The following AHNAK2 variants were observed in gnomAD, a reference collection of about 807,000 sequenced individuals.
AHNAK2 encodes the protein protein AHNAK2.
In AHNAK2, 18 loss-of-function variants were observed where a neutral mutation model predicts 30.7. That is an observed-to-expected ratio of 0.59 (90% CI 0.41 to 0.87). The LOEUF (loss-of-function observed/expected upper bound fraction) is 0.87. Among genes scored for constraint, AHNAK2 ranks in the 40% least tolerant of loss-of-function variants. The pLI is 0.00. For synonymous variants in AHNAK2, 3,590 were observed against 3,073.8 expected (o/e 1.17, Z -5.56); for missense variants, 8,604 against 7,373.0 (o/e 1.17, Z -6.11).
chr14:104,961,348 A>T (rs1373608461), intron 1 of AHNAK2, among the ~76,000 whole-genome samples: 3 of 152,008 alleles, frequency 2.0e-5, no homozygotes, highest in African/African-American at 7.2e-5. Flanking sequence ...CCCCGTCTCT[A>T]CTAAAAATAC....
In AHNAK2 at chr14:104,944,662, C is replaced by T. The variant is rs1898161644; in HGVS notation, c.10789G>A (p.Val3597Ile). 1.2e-6 allele frequency: 2 copies of T among 1,613,248 alleles called. No individual in the cohort carries two copies. The highest frequency in any genetic ancestry group is 1.3e-5 in the African/African-American group (1 of 74,828). Residue 3597 changes from valine (V) to isoleucine (I), a missense_variant, in exon 7 of 7, where the codon GTC becomes ATC. Transcript: ENST00000333244. ...TCCACGCTGGGCAGAGACACCTCGA[C>T]ATCGGGGACTCTCACTTCTGCCTTG... ...GPKAEVRVPD[V>I]EVSLPSVEVD...
At position 104,949,461 on chromosome 14, in the gene AHNAK2, G is replaced by A. The variant is rs1168495562; in HGVS notation, c.5990C>T (p.Ser1997Leu). Residue 1997 changes from serine (S) to leucine (L), a missense_variant, in exon 7 of 7, where the codon TCG becomes TTG. Ser to Leu is a moderately radical substitution (Grantham distance 145). Transcript: ENST00000333244. The part of the protein sequence containing the change: ...KFKMPKFKMP[S>L]FGVSAPGRSI... ...CCTCCCTGGGGCCGATACCCCGAAC[G>A]ACGGCATCTTGAATTTGGGCATTTT... is the stretch of plus-strand genomic sequence containing the variant. 2.1e-5 allele frequency: 33 copies of A among 1,588,126 alleles called. 3 individuals are homozygous for A. Among genetic ancestry groups the A allele is most frequent in the Non-Finnish European group, 2.5e-5 (29 of 1,162,860 alleles).
In AHNAK2 at chr14:104,946,133, C is replaced by A; in HGVS notation, c.9318G>T (p.Gln3106His). 1 of 1,612,472 alleles carries A rather than the reference C, an allele frequency of 6.2e-7. No homozygotes were observed. Among genetic ancestry groups the A allele is most frequent in the South Asian group, 1.1e-5 (1 of 90,972 alleles). ...CCTCGACATCCACCTCCATGCCGGG[C>A]TGAGACACCTCCACGTCGGGGGCCG... ...DVTAPDVEVSQPGMEVDVEAP... is the reference protein window; with the variant it reads ...DVTAPDVEVSHPGMEVDVEAP... Residue 3106 changes from glutamine to histidine, a missense_variant, in exon 7 of 7, where the codon CAG (glutamine) becomes CAT (histidine). By Grantham distance (24) the Gln-to-His change is conservative. Transcript: ENST00000333244.
Position 104,953,788 on chromosome 14 carries a change from C to A in AHNAK2, c.1663G>T (p.Asp555Tyr). The part of the protein sequence containing the change: ...THAEAQGDEG[D>Y]GEEGLQRTRI... ...GTCCTCTGTAGTCCTTCCTCTCCAT[C>A]TCCTTCATCCCCCTGTGCTTCTGCA... The change falls in exon 7 of 7, where the codon GAT becomes TAT. Residue 555 changes from aspartate (D) to tyrosine (Y), a missense_variant. Coordinates refer to ENST00000333244, the MANE Select transcript of AHNAK2 (RefSeq NM_138420.4). The A allele has an allele frequency of 6.2e-7, 1 of 1,613,974 alleles. No individual in the cohort carries two copies. Among genetic ancestry groups the A allele is most frequent in the Non-Finnish European group, 8.5e-7 (1 of 1,179,888 alleles).
At chr14:104,969,085 G>A (rs985608665) in intron 1 of AHNAK2, among the ~76,000 whole-genome samples, 2 of 152,118 alleles carry the variant, frequency 1.3e-5, no homozygotes, top group East Asian at 1.9e-4. Flanking sequence ...GCCCCTCCCC[G>A]ATGCTTCTTG....
intron 1 of AHNAK2, among the ~76,000 whole-genome samples, chr14:104,967,297 G>T (rs1899333350): frequency 6.6e-6 from 1 of 152,096 alleles, no homozygotes; most frequent in African/African-American, 2.4e-5. Context: ...AAAGGGTCAG[G>T]AGGGCAACTC....
intron 1 of AHNAK2, among the ~76,000 whole-genome samples, chr14:104,975,350 G>A: frequency 6.6e-6 from 1 of 152,232 alleles, no homozygotes; most frequent in East Asian, 1.9e-4. Flanking sequence ...AGGCAGCCCA[G>A]CCTCCCTCCC....
chr14:104,944,252 T>C lies in AHNAK2; in HGVS notation c.11199A>G (p.Lys3733=). 1.2e-6 allele frequency: 2 copies of C among 1,612,702 alleles called. No homozygotes were observed. The highest frequency in any genetic ancestry group is 1.7e-6 in the Non-Finnish European group (2 of 1,179,500). The change falls in exon 7 of 7, where the codon AAA becomes AAG. Residue 3733 remains lysine, a synonymous_variant. Coordinates refer to ENST00000333244, the MANE Select transcript of AHNAK2 (RefSeq NM_138420.4). ...KVEMPSLKMP[K]VDLKGPQVDI... Reference sequence around the variant, plus strand: ...CCACCTGGGGGCCCTTGAGGTCCACTTTGGGCATCTTCAAACTGGGCATCT... The same window carrying C: ...CCACCTGGGGGCCCTTGAGGTCCACCTTGGGCATCTTCAAACTGGGCATCT...
Position 104,947,401 on chromosome 14 carries a change from G to C in AHNAK2, c.8050C>G (p.Leu2684Val). The stretch of plus-strand genomic sequence containing the variant: ...TTAAGGTCCCCTTGCATGGAGGGGA[G>C]GCTCATGTCGGCTTCCACCTTCAGC... ...SELKVEADMS[L>V]PSMQGDLKTT... is the part of the protein sequence containing the mutation. Residue 2684 changes from leucine (L) to valine (V), a missense_variant, in exon 7 of 7, where the codon CTC becomes GTC. Coordinates refer to ENST00000333244, the MANE Select transcript of AHNAK2 (RefSeq NM_138420.4). 6.2e-7 allele frequency: 1 copy of C among 1,610,882 alleles called. No individual in the cohort carries two copies. Among genetic ancestry groups the C allele is most frequent in the Non-Finnish European group, 8.5e-7 (1 of 1,179,154 alleles).
chr14:104,938,750 C>A lies in AHNAK2; in HGVS notation c.16701G>T (p.Gln5567His). Reference protein sequence around the residue: ...PGVDSISGDLQPDTGEPFEMI... With the variant: ...PGVDSISGDLHPDTGEPFEMI... ...TCTCAAATGGTTCTCCAGTGTCAGG[C>A]TGGAGATCTCCAGAAATGGAGTCTA... Residue 5567 changes from glutamine to histidine, a missense_variant, in exon 7 of 7, where the codon CAG (glutamine) becomes CAT (histidine). Transcript: ENST00000333244. 6.2e-7 allele frequency: 1 copy of A among 1,613,902 alleles called. No homozygotes were observed. The highest frequency in any genetic ancestry group is 8.5e-7 in the Non-Finnish European group (1 of 1,179,880).
chr14:104,939,652 C>T lies in AHNAK2; in HGVS notation c.15799G>A (p.Asp5267Asn). 1 of 1,613,918 alleles carries T rather than the reference C, an allele frequency of 6.2e-7. No homozygotes were observed. Among genetic ancestry groups the T allele is most frequent in the Non-Finnish European group, 8.5e-7 (1 of 1,179,906 alleles). The change falls in exon 7 of 7, where the codon GAT becomes AAT. Residue 5267 changes from aspartate to asparagine, a missense_variant. Coordinates refer to ENST00000333244, the MANE Select transcript of AHNAK2 (RefSeq NM_138420.4). ...CTGTCAAGATCACACCTTAGAATAT[C>T]TGTGGATGATTTGCTCTCAGAAGCT... Reference protein sequence around the residue: ...VTASESKSSTDILRCDLDSTG... With the variant: ...VTASESKSSTNILRCDLDSTG...
chr14:104,975,009 G>T (rs952053802), intron 1 of AHNAK2, among the ~76,000 whole-genome samples: 2 of 152,256 alleles, frequency 1.3e-5, no homozygotes, highest in African/African-American at 4.8e-5. Context: ...GCGGGCCAGA[G>T]TCTAAGGGAG....
intron 1 of AHNAK2, among the ~76,000 whole-genome samples, chr14:104,965,517 A>G (rs1899278962): frequency 6.6e-6 from 1 of 152,310 alleles, no homozygotes; most frequent in Middle Eastern, 3.4e-3. Context: ...TACTCTAAAT[A>G]TTCCAAGAAG....
At chr14:104,973,343 G>A (rs973026489) in intron 1 of AHNAK2, among the ~76,000 whole-genome samples, 10 of 152,358 alleles carry the variant, frequency 6.6e-5, no homozygotes, top group Admixed American at 2.0e-4. Context: ...TGAATCAGCC[G>A]GGAGGAGGCC....
intron 5 of AHNAK2, 128 bp from the exon 6 acceptor site, chr14:104,955,269 G>C: frequency 7.7e-7 from 1 of 1,304,610 alleles, no homozygotes. Context: ...TGCCCCACCA[G>C]TCCCCCACTG....
At position 104,941,348 on chromosome 14, in the gene AHNAK2, T is replaced by C. The variant is rs1566896770; in HGVS notation, c.14103A>G (p.Lys4701=). 1 of 1,613,486 alleles carries C rather than the reference T, an allele frequency of 6.2e-7. No homozygotes were observed. Among genetic ancestry groups the C allele is most frequent in the Admixed American group, 1.7e-5 (1 of 60,022 alleles). ...GEVGMDSKFK[K]LHFKVPKVSF... ...AAACTTTGGGCACTTTAAAATGCAG[T>C]TTCTTAAACTTCGAATCCATTCCAA... Residue 4701 remains lysine, a synonymous_variant, in exon 7 of 7, where the codon AAA becomes AAG. Coordinates refer to ENST00000333244, the MANE Select transcript of AHNAK2 (RefSeq NM_138420.4).
At position 104,945,044 on chromosome 14, in the gene AHNAK2, T is replaced by G. The variant is rs1213310622; in HGVS notation, c.10407A>C (p.Lys3469Asn). Residue 3469 changes from lysine to asparagine, a missense_variant, in exon 7 of 7, where the codon AAA (lysine) becomes AAC (asparagine). Coordinates refer to ENST00000333244, the MANE Select transcript of AHNAK2 (RefSeq NM_138420.4). ...LSLAEKDVTAKDSKFKMPKFK... is the reference protein window; with the variant it reads ...LSLAEKDVTANDSKFKMPKFK... Reference sequence around the variant, plus strand: ...ACTTGGGCATTTTGAACTTGCTGTCTTTGGCAGTCACATCCTTTTCAGCCA... The same window carrying G: ...ACTTGGGCATTTTGAACTTGCTGTCGTTGGCAGTCACATCCTTTTCAGCCA... The G allele has an allele frequency of 6.2e-7, 1 of 1,612,898 alleles. No individual in the cohort carries two copies. Among genetic ancestry groups the G allele is most frequent in the African/African-American group, 1.3e-5 (1 of 74,606 alleles).
In AHNAK2 at chr14:104,949,399, C is replaced by T. The variant is rs1315222769; in HGVS notation, c.6052G>A (p.Val2018Met). The stretch of plus-strand genomic sequence containing the variant: ...GAGGGGAGACTCACGTCGGCCTCCA[C>T]CTTGGGTGCAGGCACATCCACCGAG... ...EASVDVPAPK[V>M]EADVSLPSMQ... Residue 2018 changes from valine to methionine, a missense_variant, in exon 7 of 7, where the codon GTG becomes ATG. By Grantham distance (21) the Val-to-Met change is conservative. Coordinates refer to ENST00000333244, the MANE Select transcript of AHNAK2 (RefSeq NM_138420.4). 2 of 1,583,066 alleles carry T rather than the reference C, an allele frequency of 1.3e-6. No homozygotes were observed. The highest frequency in any genetic ancestry group is 2.7e-5 in the African/African-American group (2 of 73,264).
In AHNAK2 at chr14:104,942,979, C is replaced by A. The variant is rs767083672; in HGVS notation, c.12472G>T (p.Val4158Leu). 89 of 1,613,178 alleles carry A rather than the reference C, an allele frequency of 5.5e-5. No individual in the cohort carries two copies. Among genetic ancestry groups the A allele is most frequent in the Non-Finnish European group, 7.1e-5 (84 of 1,179,592 alleles). The change falls in exon 7 of 7, where the codon GTG becomes TTG. Residue 4158 changes from valine (V) to leucine (L), a missense_variant. Val to Leu is a conservative substitution (Grantham distance 32). Transcript: ENST00000333244. ...TCGGCTTTCGCCTTCAGCTCAGACA[C>A]ATCCACGGACGCCTCCATGGACTTG... is the stretch of plus-strand genomic sequence containing the variant. ...PGKSMEASVD[V>L]SELKAKADVS...
Sources: gnomAD v4.1 joint callset for allele counts (sites outside exome capture counted in the v4.1 genomes callset) on GRCh38, gnomAD v4.1.1 for gene constraint, MANE v1.5 for transcripts, NCBI Gene and HGNC (gene_info 2026-07-23, HGNC 2026-07-21) for gene names.